KCNN2: variants seen among roughly 807,000 people sequenced by gnomAD.
KCNN2 encodes potassium calcium-activated channel subfamily N member 2, also known as small conductance calcium-activated potassium channel protein 2.
A neutral mutation model predicts 55.5 loss-of-function variants in KCNN2; 24 were observed. The observed-to-expected ratio is 0.43, with a 90% CI of 0.31 to 0.61. The LOEUF is 0.61. KCNN2 is among the 20% of genes least tolerant of loss of function. The pLI, the probability that KCNN2 is intolerant of heterozygous loss-of-function variation, is 0.08. For synonymous variants in KCNN2, 431 were observed against 336.1 expected (o/e 1.28, Z -3.09); for missense variants, 754 against 853.6 (o/e 0.88, Z 1.45).
At chr5:114,260,423 C>G (rs3935034) in intron 2 of KCNN2, among the ~76,000 whole-genome samples, 7 of 152,152 alleles carry the variant, frequency 4.6e-5, no homozygotes, top group African/African-American at 1.4e-4. Flanking sequence ...TAGACTTTTT[C>G]ATATTTTTAC....
chr5:114,396,456 T>C (rs1758620264), intron 2 of KCNN2, among the ~76,000 whole-genome samples: 1 of 152,170 alleles, frequency 6.6e-6, no homozygotes, highest in Non-Finnish European at 1.5e-5. Flanking sequence ...CAAGGGTACA[T>C]GTGCAGGTTT....
intron 5 of KCNN2, among the ~76,000 whole-genome samples, chr5:114,480,597 CATTG>C (rs921060157): frequency 1.3e-5 from 2 of 152,124 alleles, no homozygotes; most frequent in Non-Finnish European, 2.9e-5. Context: ...CCTTGGTGAA[CATTG>C]ATGAAAAAAT....
chr5:114,425,151 C>T (rs1759581541), intron 3 of KCNN2, among the ~76,000 whole-genome samples: 1 of 152,154 alleles, frequency 6.6e-6, no homozygotes, highest in South Asian at 2.1e-4. Flanking sequence ...ATGAAAGATA[C>T]TACAATTTGT....
chr5:114,269,023 A>T (rs1755266414), intron 2 of KCNN2, among the ~76,000 whole-genome samples: 1 of 151,904 alleles, frequency 6.6e-6, no homozygotes, highest in South Asian at 2.1e-4. Flanking sequence ...TCAAATCATG[A>T]GCTCATCCAT....
chr5:114,235,675 T>G (rs1471192260), intron 2 of KCNN2, among the ~76,000 whole-genome samples: 1 of 152,202 alleles, frequency 6.6e-6, no homozygotes, highest in Non-Finnish European at 1.5e-5. Flanking sequence ...ACTGTTCGTT[T>G]TTTAAAGGGC....
At chr5:114,487,839 G>A (rs951151575) in intron 6 of KCNN2, among the ~76,000 whole-genome samples, 5 of 152,116 alleles carry the variant, frequency 3.3e-5, no homozygotes, top group African/African-American at 9.7e-5. Flanking sequence ...TGTGGGTATC[G>A]ATTGTGATGC....
chr5:114,353,358 G>A (rs896907813), intron 2 of KCNN2, among the ~76,000 whole-genome samples: 3 of 151,566 alleles, frequency 2.0e-5, no homozygotes, highest in Non-Finnish European at 3.0e-5. Context: ...TCTGTACTTC[G>A]ATATGTCTTT....
intron 2 of KCNN2, among the ~76,000 whole-genome samples, chr5:114,368,894 A>G (rs1319140033): frequency 6.6e-6 from 1 of 151,812 alleles, no homozygotes; most frequent in Non-Finnish European, 1.5e-5. Context: ...GGTACATGAG[A>G]TCCTATTCTA....
chr5:114,100,485 C>T (rs1751350874), intron 1 of KCNN2, among the ~76,000 whole-genome samples: 1 of 152,090 alleles, frequency 6.6e-6, no homozygotes, highest in African/African-American at 2.4e-5. Context: ...CCAGTGTTCT[C>T]ACTGCAGAGA....
intron 1 of KCNN2, among the ~76,000 whole-genome samples, chr5:114,162,639 G>A (rs1752813207): frequency 6.6e-6 from 1 of 152,188 alleles, no homozygotes; most frequent in African/African-American, 2.4e-5. Context: ...TTGAGCTGTG[G>A]TGGGCTCCAC....
chr5:114,392,962 T>A (rs1758496887), intron 2 of KCNN2, among the ~76,000 whole-genome samples: 1 of 152,070 alleles, frequency 6.6e-6, no homozygotes, highest in African/African-American at 2.4e-5. Flanking sequence ...TATTGGAAGT[T>A]CCTTGTCATG....
intron 1 of KCNN2, among the ~76,000 whole-genome samples, chr5:114,101,713 C>A (rs1015764606): frequency 7.9e-5 from 12 of 152,008 alleles, no homozygotes; most frequent in African/African-American, 2.9e-4. Flanking sequence ...TGTTAGTTTG[C>A]TGAGAATGAT....
At chr5:114,191,201 C>A (rs907485628) in intron 1 of KCNN2, among the ~76,000 whole-genome samples, 5 of 152,090 alleles carry the variant, frequency 3.3e-5, no homozygotes, top group South Asian at 4.1e-4. Flanking sequence ...TTTTCATAAG[C>A]TTTTGAAGAT....
intron 2 of KCNN2, among the ~76,000 whole-genome samples, chr5:114,346,214 A>C (rs1461654804): frequency 6.6e-6 from 1 of 152,188 alleles, no homozygotes; most frequent in Admixed American, 6.5e-5. Context: ...CACTATTGTG[A>C]AGACAGAATC....
intron 2 of KCNN2, among the ~76,000 whole-genome samples, chr5:114,389,283 A>T (rs990673680): frequency 6.6e-6 from 1 of 152,116 alleles, no homozygotes; most frequent in Admixed American, 6.6e-5. Flanking sequence ...ATATGGGTTC[A>T]TTTGATGTTG....
At chr5:114,330,920 T>A (rs1443970859) in intron 2 of KCNN2, among the ~76,000 whole-genome samples, 1 of 152,238 alleles carries the variant, frequency 6.6e-6, no homozygotes, top group East Asian at 1.9e-4. Context: ...AGGGGTTCAA[T>A]GTTTATTAAG....
chr5:114,166,754 A>T (rs964052915), intron 1 of KCNN2, among the ~76,000 whole-genome samples: 1 of 152,148 alleles, frequency 6.6e-6, no homozygotes, highest in Non-Finnish European at 1.5e-5. Context: ...ATATGTTGAA[A>T]TCCCAACCCG....
intron 3 of KCNN2, among the ~76,000 whole-genome samples, chr5:114,443,122 C>T (rs971239986): frequency 1.3e-5 from 2 of 151,998 alleles, no homozygotes; most frequent in African/African-American, 4.8e-5. Context: ...GAAACCCTGT[C>T]TTTGCTAAAA....
chr5:114,425,500 A>G (rs1427879202), intron 3 of KCNN2, among the ~76,000 whole-genome samples: 1 of 152,150 alleles, frequency 6.6e-6, no homozygotes, highest in East Asian at 1.9e-4. Flanking sequence ...CTTTGCACAC[A>G]TCCTCAATAA....
Sources: allele counts gnomAD v4.1 joint callset (sites outside exome capture counted in the v4.1 genomes callset), GRCh38; gene constraint gnomAD v4.1.1; transcripts MANE v1.5; gene names NCBI Gene and HGNC (gene_info 2026-07-23, HGNC 2026-07-21).